Variants in SHISA9 observed in about 807,000 individuals in gnomAD.
SHISA9 encodes shisa family member 9, also known as protein shisa-9.
In SHISA9, 13 loss-of-function variants were observed where a neutral mutation model predicts 38.0. That is an observed-to-expected ratio of 0.34 (90% CI 0.22 to 0.54). The LOEUF is 0.54. Among genes scored for constraint, SHISA9 ranks in the 20% least tolerant of loss-of-function variants. The pLI, the probability that SHISA9 is intolerant of heterozygous loss-of-function variation, is 0.91. For synonymous variants in SHISA9, 275 were observed against 242.0 expected, an observed-to-expected ratio of 1.14 and a Z score of -1.27; for missense variants, 538 against 575.8, an observed-to-expected ratio of 0.93 and a Z score of 0.67.
intron 2 of SHISA9, among the ~76,000 whole-genome samples, chr16:13,001,273 C>A (rs1019479316): frequency 6.6e-6 from 1 of 152,182 alleles, no homozygotes; most frequent in Admixed American, 6.5e-5. Flanking sequence ...GCTTGTGGCA[C>A]AGACTCCAGA....
At chr16:13,127,010 T>G (rs1596666673) in intron 2 of SHISA9, among the ~76,000 whole-genome samples, 1 of 100,054 alleles carries the variant, frequency 1.0e-5, no homozygotes, top group Admixed American at 1.2e-4. Context: ...AAAAAGACTG[T>G]GGGAAGGAGA....
the SHISA9 span, among the ~76,000 whole-genome samples, chr16:13,398,149 T>C: frequency 6.6e-6 from 1 of 152,152 alleles, no homozygotes; most frequent in Non-Finnish European, 1.5e-5. Context: ...TGGGTTTTTA[T>C]ATTCACAGGA....
intron 2 of SHISA9, among the ~76,000 whole-genome samples, chr16:13,167,076 T>C (rs2050643899): frequency 6.9e-6 from 1 of 143,992 alleles, no homozygotes; most frequent in Non-Finnish European, 1.5e-5. Flanking sequence ...TTTTTTCTTT[T>C]TTTTTTTTTT....
At chr16:13,298,371 A>G in the SHISA9 span, among the ~76,000 whole-genome samples, 465 of 152,314 alleles carry the variant, frequency 3.1e-3, 8 homozygotes, top group African/African-American at 0.011. Context: ...CTAATTATCA[A>G]TATCAATATT....
the SHISA9 span, among the ~76,000 whole-genome samples, chr16:13,267,143 C>T: frequency 6.6e-6 from 1 of 151,922 alleles, no homozygotes; most frequent in Non-Finnish European, 1.5e-5. Flanking sequence ...CCAAGTGGGA[C>T]CATATTCTAA....
the SHISA9 span, among the ~76,000 whole-genome samples, chr16:13,423,258 C>T: frequency 1.3e-5 from 2 of 152,208 alleles, no homozygotes; most frequent in Non-Finnish European, 2.9e-5. Context: ...TGTCTACTTA[C>T]TTTGTAGAGA....
At chr16:12,971,063 T>G (rs1482339044) in intron 2 of SHISA9, among the ~76,000 whole-genome samples, 1 of 152,122 alleles carries the variant, frequency 6.6e-6, no homozygotes, top group Non-Finnish European at 1.5e-5. Context: ...AACCAGGAAA[T>G]CTCGAAAGAC....
the SHISA9 span, among the ~76,000 whole-genome samples, chr16:13,273,900 A>G: frequency 6.6e-6 from 1 of 152,200 alleles, no homozygotes; most frequent in Non-Finnish European, 1.5e-5. Flanking sequence ...ATCACTTTCC[A>G]ATAGGACAGT....
chr16:13,261,279 C>T, the SHISA9 span, among the ~76,000 whole-genome samples: 2 of 151,974 alleles, frequency 1.3e-5, no homozygotes, highest in African/African-American at 2.4e-5. Flanking sequence ...GACTCTAGTC[C>T]GTCCAGTCAA....
At chr16:13,373,111 C>T in the SHISA9 span, among the ~76,000 whole-genome samples, 1,695 of 152,216 alleles carry the variant, frequency 0.011, 22 homozygotes, top group African/African-American at 0.039. Flanking sequence ...TTCTACACTT[C>T]GTGGTGTTTT....
Position 13,235,731 on chromosome 16 carries a change from C to T in SHISA9, c.*322C>T, listed in dbSNP as rs2051377453. 2 of 310,902 alleles carry T rather than the reference C, an allele frequency of 6.4e-6. No individual in the cohort carries two copies. Among genetic ancestry groups the T allele is most frequent in the Non-Finnish European group, 1.2e-5 (2 of 169,900 alleles). 19.3% of individuals were successfully genotyped at this position (310,902 alleles called of 1,614,324 possible). On this transcript the variant is annotated 3_prime_UTR_variant, in exon 5 of 5. Coordinates refer to ENST00000558583, the MANE Select transcript of SHISA9 (RefSeq NM_001145204.3). ...CCGTGGGGCTGAGTTTTCTTTTCCT[C>T]CTAACTTGAAACTGAAATCCATGGT...
chr16:12,921,244 A>G (rs576720810), intron 2 of SHISA9, among the ~76,000 whole-genome samples: 4 of 152,358 alleles, frequency 2.6e-5, no homozygotes, highest in Admixed American at 2.6e-4. Context: ...TTGATGTTTT[A>G]GAACATAAAA....
chr16:12,942,799 A>G lies in SHISA9; in HGVS notation c.691+25984A>G, dbSNP rs376868767. On this transcript the variant is annotated intron_variant, in intron 2 of 4. Coordinates refer to ENST00000558583, the MANE Select transcript of SHISA9 (RefSeq NM_001145204.3). ...GCTCTCATCTTGGCATATGCCCTGT[A>G]GTATGCCGTAGTCTTTTAGGCTCAA... 3.3e-5 allele frequency among the ~76,000 whole-genome samples: 5 copies of G among 152,278 alleles called. No individual in the cohort carries two copies. The East Asian group carries it at 5.8e-4, about 18-fold the overall frequency.
intron 2 of SHISA9, among the ~76,000 whole-genome samples, chr16:13,013,130 C>T (rs2072699089): frequency 1.3e-5 from 2 of 152,316 alleles, no homozygotes; most frequent in African/African-American, 4.8e-5. Flanking sequence ...AGGAGTCTTT[C>T]TGGCAACTTG....
At chr16:13,546,785 C>A in the SHISA9 span, among the ~76,000 whole-genome samples, 114 of 152,300 alleles carry the variant, frequency 7.5e-4, no homozygotes, top group African/African-American at 2.7e-3. Context: ...GCTGCTTTCT[C>A]TGTCAATAGA....
At chr16:13,283,137 TTCTTA>T in the SHISA9 span, among the ~76,000 whole-genome samples, 111 of 152,272 alleles carry the variant, frequency 7.3e-4, no homozygotes, top group Non-Finnish European at 1.4e-3. Context: ...AGAGTGTTAA[TTCTTA>T]TCTTAGAAGG....
chr16:13,080,971 T>G (rs1162249036), intron 2 of SHISA9, among the ~76,000 whole-genome samples: 1 of 152,184 alleles, frequency 6.6e-6, no homozygotes, highest in Non-Finnish European at 1.5e-5. Flanking sequence ...ATCTCTCTCA[T>G]GTCTCTTCTT....
At chr16:12,914,046 C>CTTTT in intron 1 of SHISA9, among the ~76,000 whole-genome samples, 1 of 124,272 alleles carries the variant, frequency 8.0e-6, no homozygotes, top group Non-Finnish European at 1.7e-5. Flanking sequence ...GTTTGTTTTT[C>CTTTT]TTTTTTTTTT....
intron 2 of SHISA9, among the ~76,000 whole-genome samples, chr16:13,025,603 G>T (rs2072910870): frequency 6.6e-6 from 1 of 152,178 alleles, no homozygotes; most frequent in Admixed American, 6.5e-5. Flanking sequence ...CCAGGGGTGG[G>T]AATCACCAAC....
Sources: allele counts gnomAD v4.1 joint callset (sites outside exome capture counted in the v4.1 genomes callset), GRCh38; gene constraint gnomAD v4.1.1; transcripts MANE v1.5; gene names NCBI Gene and HGNC (gene_info 2026-07-23, HGNC 2026-07-21).